Variants in GALNTL5 observed in about 807,000 individuals in gnomAD.
The protein encoded by GALNTL5 is inactive polypeptide N-acetylgalactosaminyltransferase-like protein 5.
GALNTL5 carries 44 observed loss-of-function variants against 51.0 expected under a neutral mutation model. The observed-to-expected ratio is 0.86, with a 90% confidence interval of 0.68 to 1.11. The LOEUF (loss-of-function observed/expected upper bound fraction) is 1.11. Ranked by LOEUF, GALNTL5 falls within the 50% of genes least tolerant of loss-of-function variation. The pLI, the probability that GALNTL5 is intolerant of heterozygous loss-of-function variation, is 0.00. For missense variants in GALNTL5, 528 were observed against 531.8 expected, an observed-to-expected ratio of 0.99 and a Z score of 0.07; for synonymous variants, 192 against 182.8, an observed-to-expected ratio of 1.05 and a Z score of -0.41.
chr7:151,957,276 G>A (rs1448601620), intron 1 of GALNTL5, among the ~76,000 whole-genome samples: 7 of 151,646 alleles, frequency 4.6e-5, no homozygotes, highest in African/African-American at 1.7e-4. Flanking sequence ...AGGCATGGTA[G>A]CTCATGCCTG....
intron 5 of GALNTL5, 56 bp downstream of exon 5, chr7:151,987,337 C>T: frequency 6.8e-7 from 1 of 1,469,382 alleles, no homozygotes. Flanking sequence ...ATCTTCCCTT[C>T]TGAGCGGGAC....
intron 7 of GALNTL5, among the ~76,000 whole-genome samples, chr7:152,011,844 G>A (rs1336788240): frequency 6.6e-6 from 1 of 152,202 alleles, no homozygotes; most frequent in Non-Finnish European, 1.5e-5. Context: ...GATTCAGGCA[G>A]TTATTGTCAC....
At chr7:151,964,576 G>A (rs2081033363) in intron 1 of GALNTL5, among the ~76,000 whole-genome samples, 1 of 152,148 alleles carries the variant, frequency 6.6e-6, no homozygotes, top group African/African-American at 2.4e-5. Context: ...CTTCCAGCCT[G>A]ATTGTGAGGC....
intron 5 of GALNTL5, among the ~76,000 whole-genome samples, chr7:152,002,253 C>T (rs570267506): frequency 1.3e-5 from 2 of 151,668 alleles, no homozygotes; most frequent in Non-Finnish European, 1.5e-5. Context: ...GCACTCCAGC[C>T]TGGGTGATAG....
At chr7:151,974,370 C>T (rs891595251) in intron 3 of GALNTL5, among the ~76,000 whole-genome samples, 4 of 152,130 alleles carry the variant, frequency 2.6e-5, no homozygotes, top group South Asian at 2.1e-4. Flanking sequence ...TGTGCTAATG[C>T]GTTTTTAGCA....
intron 3 of GALNTL5, among the ~76,000 whole-genome samples, chr7:151,980,190 T>A (rs1191772164): frequency 6.6e-6 from 1 of 152,070 alleles, no homozygotes; most frequent in East Asian, 1.9e-4. Flanking sequence ...TTCAAGTGAT[T>A]CTCCTGCCTC....
At chr7:151,973,013 G>C (rs1338749137) in intron 3 of GALNTL5, among the ~76,000 whole-genome samples, 1 of 152,100 alleles carries the variant, frequency 6.6e-6, no homozygotes, top group Non-Finnish European at 1.5e-5. Flanking sequence ...AAAAGACACA[G>C]GCACTCAACA....
chr7:151,979,471 G>T (rs1359714049), intron 3 of GALNTL5, among the ~76,000 whole-genome samples: 5 of 149,664 alleles, frequency 3.3e-5, no homozygotes, highest in African/African-American at 1.2e-4. Flanking sequence ...TTTTGGTGGG[G>T]GGAGGGGGGC....
At chr7:151,988,833 T>G (rs768551087) in intron 5 of GALNTL5, among the ~76,000 whole-genome samples, 18 of 151,648 alleles carry the variant, frequency 1.2e-4, no homozygotes, top group Non-Finnish European at 1.5e-4. Context: ...CTCAAGTAGC[T>G]GGGATTACAG....
At chr7:152,018,161 G>A (rs1407047193) in intron 8 of GALNTL5, among the ~76,000 whole-genome samples, 2 of 152,128 alleles carry the variant, frequency 1.3e-5, no homozygotes, top group Non-Finnish European at 2.9e-5. Context: ...GAGAATTATT[G>A]ACATACTTTT....
At chr7:151,993,549 T>C (rs550321210) in intron 5 of GALNTL5, among the ~76,000 whole-genome samples, 1 of 152,298 alleles carries the variant, frequency 6.6e-6, no homozygotes, top group South Asian at 2.1e-4. Context: ...CTAAACTGTA[T>C]TGTGGTCAGA....
chr7:152,001,316 G>C (rs979323354), intron 5 of GALNTL5, among the ~76,000 whole-genome samples: 11 of 151,346 alleles, frequency 7.3e-5, no homozygotes, highest in Non-Finnish European at 1.6e-4. Context: ...TGTATTTTTG[G>C]TGTCATATCT....
chr7:151,967,313 T>A lies in GALNTL5; in HGVS notation c.67T>A (p.Leu23Ile), dbSNP rs530902827. The A allele has an allele frequency of 1.9e-6, 3 of 1,613,992 alleles. No individual in the cohort carries two copies. The highest frequency in any genetic ancestry group is 2.5e-6 in the Non-Finnish European group (3 of 1,179,960). ...GACATTTGGGATCTGGACAGCTCTGTTATTCATATATTTGCACCATAATCA... is the reference window on the plus strand; with the variant it reads ...GACATTTGGGATCTGGACAGCTCTGATATTCATATATTTGCACCATAATCA... ...SLTFGIWTAL[L>I]FIYLHHNHVS... Residue 23 changes from leucine to isoleucine, a missense_variant, in exon 2 of 9, where the codon TTA becomes ATA. Leu to Ile is a conservative substitution (Grantham distance 5, BLOSUM62 2). Transcript: ENST00000392800.
chr7:151,998,138 G>A (rs2081523785), intron 5 of GALNTL5, among the ~76,000 whole-genome samples: 1 of 152,194 alleles, frequency 6.6e-6, no homozygotes, highest in African/African-American at 2.4e-5. Flanking sequence ...GAGTCCAGGA[G>A]TTGGAGGTTA....
intron 1 of GALNTL5, among the ~76,000 whole-genome samples, chr7:151,961,786 C>T (rs1374797976): frequency 6.6e-6 from 1 of 152,108 alleles, no homozygotes; most frequent in Non-Finnish European, 1.5e-5. Context: ...TTACCAGTAT[C>T]CATGCTGTTT....
intron 5 of GALNTL5, among the ~76,000 whole-genome samples, chr7:151,991,439 A>G (rs2151951403): frequency 6.6e-6 from 1 of 152,312 alleles, no homozygotes; most frequent in South Asian, 2.1e-4. Context: ...ATTGATTTTT[A>G]CATTAAACTT....
At chr7:151,972,317 T>C (rs892602759) in intron 3 of GALNTL5, among the ~76,000 whole-genome samples, 1 of 152,192 alleles carries the variant, frequency 6.6e-6, no homozygotes, top group Non-Finnish European at 1.5e-5. Flanking sequence ...GCCCCTACCC[T>C]AGAGATCTAT....
intron 5 of GALNTL5, among the ~76,000 whole-genome samples, chr7:151,990,157 C>T (rs867542559): frequency 2.6e-4 from 39 of 152,032 alleles, no homozygotes; most frequent in African/African-American, 8.9e-4. Context: ...ATTTTTGTGC[C>T]TCAGCCTCCT....
intron 5 of GALNTL5, chr7:151,995,366 T>A (rs2081485912): frequency 2.1e-5 from 2 of 96,978 alleles, no homozygotes; most frequent in Non-Finnish European, 3.6e-5. Context: ...TTTTTTTTTT[T>A]TTTTTTTTTT....
Sources: gnomAD v4.1 joint callset for allele counts (sites outside exome capture counted in the v4.1 genomes callset) on GRCh38, gnomAD v4.1.1 for gene constraint, MANE v1.5 for transcripts, NCBI Gene and HGNC (gene_info 2026-07-23, HGNC 2026-07-21) for gene names.